Variants in PRP4K observed in about 807,000 individuals in gnomAD.
The protein encoded by PRP4K is pre-mRNA processing factor kinase PRP4K, also known as serine/threonine-protein kinase PRP4 homolog.
the PRP4K span, chr6:4,044,080 A>G: frequency 6.2e-5 from 94 of 1,512,046 alleles, no homozygotes; most frequent in Non-Finnish European, 8.4e-5. Flanking sequence ...CTGTAACTTT[A>G]TAATAAGAGA....
the PRP4K span, among the ~76,000 whole-genome samples, chr6:4,035,548 A>G: frequency 4.9e-4 from 75 of 152,148 alleles, no homozygotes; most frequent in African/African-American, 1.7e-3. Context: ...AAGCACTACC[A>G]AGAAGTAAGC....
the PRP4K span, chr6:4,037,348 C>G: frequency 5.5e-6 from 8 of 1,444,742 alleles, no homozygotes; most frequent in South Asian, 1.1e-4. Flanking sequence ...AGAAAAAAAT[C>G]ATTTACTTTG....
the PRP4K span, among the ~76,000 whole-genome samples, chr6:4,026,801 CAGA>C: frequency 6.6e-6 from 1 of 152,082 alleles, no homozygotes; most frequent in Non-Finnish European, 1.5e-5. Flanking sequence ...ATGTTAAGCA[CAGA>C]AGGAGAATAT....
the PRP4K span, among the ~76,000 whole-genome samples, chr6:4,025,641 T>G: frequency 2.2e-4 from 34 of 152,352 alleles, 1 homozygote; most frequent in African/African-American, 7.7e-4. Flanking sequence ...CCTTCTACAG[T>G]GATACTGGTC....
At chr6:4,054,400 G>A in the PRP4K span, among the ~76,000 whole-genome samples, 5 of 151,992 alleles carry the variant, frequency 3.3e-5, no homozygotes, top group Non-Finnish European at 5.9e-5. Flanking sequence ...TTATTGTATT[G>A]TATATCTAAT....
chr6:4,038,653 CA>C, the PRP4K span, among the ~76,000 whole-genome samples: 1 of 152,042 alleles, frequency 6.6e-6, no homozygotes, highest in Non-Finnish European at 1.5e-5. Context: ...TCAGTATAAT[CA>C]TTGTGATCCT....
the PRP4K span, among the ~76,000 whole-genome samples, chr6:4,034,377 C>G: frequency 1.3e-5 from 2 of 152,052 alleles, no homozygotes; most frequent in African/African-American, 4.8e-5. Flanking sequence ...GAAGATGTGC[C>G]TTGGTTATAT....
At chr6:4,027,617 G>T in the PRP4K span, among the ~76,000 whole-genome samples, 1 of 139,812 alleles carries the variant, frequency 7.2e-6, no homozygotes, top group Non-Finnish European at 1.6e-5. Flanking sequence ...GTGGGGTGGG[G>T]GTTGGTCCGT....
At chr6:4,060,684 A>G in the PRP4K span, 1 of 1,329,336 alleles carries the variant, frequency 7.5e-7, no homozygotes, top group Admixed American at 2.5e-5. The surrounding 1 kb of genome is among the most constrained non-coding windows in gnomAD (Gnocchi z 4.7). Flanking sequence ...GCAGTTTATT[A>G]ATGTATATAA....
the PRP4K span, chr6:4,049,252 C>A: frequency 1.4e-6 from 1 of 719,366 alleles, no homozygotes; most frequent in African/African-American, 1.8e-5. Context: ...CCAACAGCTG[C>A]ATGAACTCGT....
the PRP4K span, among the ~76,000 whole-genome samples, chr6:4,058,413 A>G: frequency 4.7e-4 from 71 of 152,234 alleles, no homozygotes; most frequent in Non-Finnish European, 8.8e-4. Flanking sequence ...GTTTTGTGAT[A>G]TTTTTAGGAA....
chr6:4,057,751 CTTTTTTTTT>C, the PRP4K span, among the ~76,000 whole-genome samples: 1 of 81,086 alleles, frequency 1.2e-5, no homozygotes. Flanking sequence ...CATAACTTAG[CTTTTTTTTT>C]TTTTTTTTTT....
chr6:4,021,415 G>A, the PRP4K span: 8 of 1,580,834 alleles, frequency 5.1e-6, no homozygotes, highest in African/African-American at 5.4e-5. Flanking sequence ...CGAGGAGTCA[G>A]GAAGTTCAAG....
At chr6:4,059,452 G>A in the PRP4K span, among the ~76,000 whole-genome samples, 2 of 152,184 alleles carry the variant, frequency 1.3e-5, no homozygotes, top group South Asian at 4.1e-4. Flanking sequence ...CCAGATTGAA[G>A]TAATGATTTC....
the PRP4K span, chr6:4,047,297 A>G: frequency 2.9e-6 from 4 of 1,371,504 alleles, no homozygotes; most frequent in African/African-American, 5.7e-5. Context: ...TAACAAATAT[A>G]TTGGTGCGTA....
At chr6:4,063,176 AT>A in the PRP4K span, 2 of 152,048 alleles carry the variant, frequency 1.3e-5, no homozygotes, top group Non-Finnish European at 2.9e-5. Flanking sequence ...TTTTTGTCTA[AT>A]TTTTTAGTTT....
the PRP4K span, among the ~76,000 whole-genome samples, chr6:4,035,959 C>G: frequency 6.6e-6 from 1 of 151,782 alleles, no homozygotes; most frequent in Non-Finnish European, 1.5e-5. Context: ...GAGCAAAACT[C>G]CATCTCAAAA....
At chr6:4,030,498 A>C in the PRP4K span, among the ~76,000 whole-genome samples, 1 of 152,216 alleles carries the variant, frequency 6.6e-6, no homozygotes, top group African/African-American at 2.4e-5. Flanking sequence ...TTTATTATGG[A>C]GTAACTTTTA....
chr6:4,032,559 C>T, the PRP4K span: 12 of 1,613,378 alleles, frequency 7.4e-6, no homozygotes, highest in South Asian at 2.2e-5. Context: ...AAGACCTGGT[C>T]GTAGTCCTAA....
Sources: allele counts gnomAD v4.1 joint callset (sites outside exome capture counted in the v4.1 genomes callset), GRCh38; gene constraint gnomAD v4.1.1; non-coding constraint Gnocchi (gnomAD v3.1); transcripts MANE v1.5; gene names NCBI Gene and HGNC (gene_info 2026-07-23, HGNC 2026-07-21).